The following SHROOM4 variants were observed in gnomAD, a reference collection of about 807,000 sequenced individuals.
The protein encoded by SHROOM4 is shroom family member 4, also known as protein Shroom4.
SHROOM4 carries 17 observed loss-of-function variants against 80.3 expected under a neutral mutation model. The observed-to-expected ratio is 0.21, with a 90% confidence interval of 0.14 to 0.32. The LOEUF is 0.32. Ranked by LOEUF, SHROOM4 falls within the 10% of genes least tolerant of loss-of-function variation. The pLI is 1.00. For missense variants in SHROOM4, 993 were observed against 1,140.3 expected (o/e 0.87, Z 1.86); for synonymous variants, 400 against 437.5 (o/e 0.91, Z 1.07).
chrX:50,785,509 T>C (rs1935720921), intron 1 of SHROOM4, among the ~76,000 whole-genome samples: 1 of 111,984 alleles, frequency 8.9e-6, no homozygotes, highest in African/African-American at 3.2e-5. Context: ...AAGAACAAAC[T>C]GCTGATATAT....
chrX:50,679,993 C>G (rs1379069501), intron 2 of SHROOM4, among the ~76,000 whole-genome samples: 1 of 112,076 alleles, frequency 8.9e-6, no homozygotes, highest in African/African-American at 3.2e-5. Context: ...TTGCCAATGA[C>G]TTTCATGTTG....
chrX:50,716,811 C>G (rs782521107), intron 1 of SHROOM4, among the ~76,000 whole-genome samples: 3 of 112,539 alleles, frequency 2.7e-5, no homozygotes, highest in Non-Finnish European at 5.6e-5. Flanking sequence ...GTTCCTCTCA[C>G]TTCAACTGGA....
intron 1 of SHROOM4, among the ~76,000 whole-genome samples, chrX:50,772,918 GCTTA>G (rs1935428015): frequency 8.9e-6 from 1 of 112,009 alleles, no homozygotes; most frequent in Non-Finnish European, 1.9e-5. Flanking sequence ...CACCTGAGAG[GCTTA>G]CTTGAGAACA....
In SHROOM4 at chrX:50,607,891, C is replaced by A. The variant is rs782067047; in HGVS notation, c.3251G>T (p.Gly1084Val). ...GQHRRELFSKGDETQSDLLGA... is the reference protein window; with the variant it reads ...GQHRRELFSKVDETQSDLLGA... The stretch of plus-strand genomic sequence containing the variant: ...GAGAAGATCCGACTGGGTCTCATCA[C>A]CTTTGCTAAAGAGCTCCCTCCTATG... The change falls in exon 6 of 9, where the codon GGT becomes GTT. Residue 1084 changes from glycine (G) to valine (V), a missense_variant. Physicochemically the swap from Gly to Val is moderately radical, Grantham distance 109. Transcript: ENST00000376020. The A allele has an allele frequency of 1.7e-6, 2 of 1,210,293 alleles. No homozygotes were observed. Among genetic ancestry groups the A allele is most frequent in the East Asian group, 5.9e-5 (2 of 33,764 alleles).
rs1557247054 is a variant in SHROOM4, at chrX:50,598,411, AC to A, written c.4066del (p.Val1356SerfsTer38). ...CTTTTCAAATTCATTGGATTTGCAG[AC>A]GGCTTTTAAGTTGGCCTCCACCTCC... ...GEEVEANLKA[V>X]CKSNEFEKYH... is the part of the protein sequence containing the mutation. On this transcript the variant is annotated frameshift_variant, in exon 8 of 9. Transcript: ENST00000376020. LOFTEE classifies it high-confidence loss of function. The A allele has an allele frequency of 3.3e-6, 4 of 1,209,537 alleles. No homozygotes were observed. Among genetic ancestry groups the A allele is most frequent in the Non-Finnish European group, 4.5e-6 (4 of 894,542 alleles).
At chrX:50,741,422 CTA>C (rs1934653280) in intron 1 of SHROOM4, among the ~76,000 whole-genome samples, 1 of 110,197 alleles carries the variant, frequency 9.1e-6, no homozygotes, top group South Asian at 3.9e-4. Context: ...TTCAAAATAA[CTA>C]AGAGTAAATT....
At chrX:50,811,980 C>T (rs1936340566) in intron 1 of SHROOM4, among the ~76,000 whole-genome samples, 1 of 110,231 alleles carries the variant, frequency 9.1e-6, no homozygotes, top group South Asian at 4.0e-4. Context: ...CCACAAATTG[C>T]TGGCTGCCCC....
At chrX:50,577,799 G>A in the SHROOM4 span, among the ~76,000 whole-genome samples, 1 of 111,188 alleles carries the variant, frequency 9.0e-6, no homozygotes, top group Middle Eastern at 4.7e-3. Flanking sequence ...TTGAGTGGGA[G>A]GCTGTTGAAA....
intron 1 of SHROOM4, among the ~76,000 whole-genome samples, chrX:50,795,132 A>AC (rs1935966905): frequency 3.3e-4 from 1 of 3,047 alleles, no homozygotes; most frequent in African/African-American, 5.0e-4. Context: ...TATATGATAT[A>AC]TATATATATA....
intron 1 of SHROOM4, among the ~76,000 whole-genome samples, chrX:50,808,643 T>C (rs182019961): frequency 1.6e-3 from 182 of 110,345 alleles, no homozygotes; most frequent in African/African-American, 5.7e-3. Context: ...AGTCTAACTA[T>C]AAAAGCCATG....
intron 5 of SHROOM4, among the ~76,000 whole-genome samples, chrX:50,610,251 T>A (rs886857969): frequency 1.8e-5 from 2 of 110,468 alleles, no homozygotes; most frequent in Non-Finnish European, 3.8e-5. Context: ...ATACCCACTA[T>A]CTTCTCATTT....
chrX:50,613,039 C>G (rs1347321403), intron 5 of SHROOM4, among the ~76,000 whole-genome samples: 1 of 112,036 alleles, frequency 8.9e-6, no homozygotes, highest in Admixed American at 9.5e-5. Flanking sequence ...TGCAATTTAA[C>G]AAAATAAAGA....
intron 7 of SHROOM4, among the ~76,000 whole-genome samples, chrX:50,601,248 A>G (rs191443249): frequency 8.9e-6 from 1 of 112,219 alleles, no homozygotes; most frequent in Non-Finnish European, 1.9e-5. Context: ...GTGCTCTGCC[A>G]TTTCTGATCA....
Position 50,590,029 on chromosome X carries a change from T to C in SHROOM4, c.*6666A>G, listed in dbSNP as rs1928835283. Among the ~76,000 whole-genome samples the C allele has an allele frequency of 9.0e-6, 1 of 111,611 alleles. No homozygotes were observed. Among genetic ancestry groups the C allele is most frequent in the African/African-American group, 3.3e-5 (1 of 30,640 alleles). ...TGATTTGCATTTCCCTAATGAATAG[T>C]AGTGCTTGAGCATCTTTCCCTGTGC... On this transcript the variant is annotated 3_prime_UTR_variant, in exon 9 of 9. Coordinates refer to ENST00000376020, the MANE Select transcript of SHROOM4 (RefSeq NM_020717.5).
At position 50,813,989 on chromosome X, in the gene SHROOM4, G is replaced by T. The variant is rs1428157543; in HGVS notation, c.30C>A (p.Tyr10Ter). The change falls in exon 1 of 9, where the codon TAC (tyrosine) becomes TAA (stop). Residue 10 changes from tyrosine to a stop codon, truncating the protein, a stop_gained. Coordinates refer to ENST00000376020, the MANE Select transcript of SHROOM4 (RefSeq NM_020717.5). LOFTEE classifies it high-confidence loss of function. MENRPGSFQYVPVQLQGGAP... is the reference protein window; with the variant it reads MENRPGSFQ ...CCCCCCCTTGCAGCTGCACAGGGAC[G>T]TACTGGAAGGACCCAGGCCGGTTCT... 8.3e-7 allele frequency: 1 copy of T among 1,208,712 alleles called. No homozygotes were observed. Among genetic ancestry groups the T allele is most frequent in the South Asian group, 1.8e-5 (1 of 56,581 alleles).
At chrX:50,739,568 A>G (rs1934596412) in intron 1 of SHROOM4, among the ~76,000 whole-genome samples, 1 of 111,479 alleles carries the variant, frequency 9.0e-6, no homozygotes, top group African/African-American at 3.3e-5. Context: ...GCAGCCAAAA[A>G]ACACATGAAA....
At chrX:50,636,157 C>T (rs781839194) in intron 3 of SHROOM4, among the ~76,000 whole-genome samples, 1 of 110,328 alleles carries the variant, frequency 9.1e-6, no homozygotes, top group East Asian at 2.9e-4. Flanking sequence ...CTTGTTGAAA[C>T]ACGGGTCACT....
intron 2 of SHROOM4, among the ~76,000 whole-genome samples, chrX:50,672,275 G>A (rs1459059350): frequency 8.9e-6 from 1 of 111,914 alleles, no homozygotes; most frequent in East Asian, 2.8e-4. Context: ...ACAGAGACAT[G>A]AAGTGAGAAC....
chrX:50,772,314 A>G (rs1171115778), intron 1 of SHROOM4, among the ~76,000 whole-genome samples: 3 of 111,385 alleles, frequency 2.7e-5, no homozygotes, highest in African/African-American at 9.8e-5. Context: ...TTTTAAGTAC[A>G]CTTATATTTT....
Sources: gnomAD v4.1 joint callset for allele counts (sites outside exome capture counted in the v4.1 genomes callset) on GRCh38, gnomAD v4.1.1 for gene constraint, MANE v1.5 for transcripts, NCBI Gene and HGNC (gene_info 2026-07-23, HGNC 2026-07-21) for gene names.